SBSPON: variants seen among roughly 807,000 people sequenced by gnomAD.
SBSPON encodes somatomedin-B and thrombospondin type-1 domain-containing protein.
Under a neutral mutation model 35.8 loss-of-function variants are expected in SBSPON, and 30 were observed. That is an observed-to-expected ratio of 0.84 (90% CI 0.63 to 1.14). The LOEUF (loss-of-function observed/expected upper bound fraction) is 1.14. Ranked by LOEUF, SBSPON falls within the 50% of genes most tolerant of loss-of-function variation. SBSPON has a pLI of 0.00. For synonymous variants in SBSPON, 136 were observed against 135.9 expected (o/e 1.00, Z 0.00); for missense variants, 364 against 357.7 (o/e 1.02, Z -0.14).
At chr8:73,078,292 C>CA (rs1353418197) in intron 2 of SBSPON, among the ~76,000 whole-genome samples, 1 of 152,150 alleles carries the variant, frequency 6.6e-6, no homozygotes, top group African/African-American at 2.4e-5. Flanking sequence ...TAGCTTGTGA[C>CA]AGGAGTAATC....
At chr8:73,086,601 T>C (rs1185197427) in intron 1 of SBSPON, among the ~76,000 whole-genome samples, 1 of 152,186 alleles carries the variant, frequency 6.6e-6, no homozygotes, top group African/African-American at 2.4e-5. Flanking sequence ...ATCAAGACTT[T>C]TCTCCCTCTC....
In SBSPON at chr8:73,081,325, C is replaced by G. The variant is rs1034560487; in HGVS notation, c.215-112G>C. 6.8e-6 allele frequency: 6 copies of G among 877,792 alleles called. No individual in the cohort carries two copies. The African/African-American group carries it at 6.9e-5, about 10-fold the overall frequency. 54.4% of individuals were successfully genotyped at this position (877,792 alleles called of 1,614,324 possible). ...GCTCCATGTAAACTTTGCCTGGCCC[C>G]AGGCCCTGTATCAGGAGACGCACAC... On this transcript the variant is annotated intron_variant, in intron 1 of 4. Transcript: ENST00000297354.
rs569919931 is a variant in SBSPON, at chr8:73,083,491, C to G, written c.215-2278G>C. 8.3e-4 allele frequency among the ~76,000 whole-genome samples: 126 copies of G among 152,292 alleles called. 1 individual carries two copies. The highest frequency in any genetic ancestry group is 3.0e-3 in the African/African-American group (125 of 41,552). On this transcript the variant is annotated intron_variant, in intron 1 of 4. Coordinates refer to ENST00000297354, the MANE Select transcript of SBSPON (RefSeq NM_153225.4). ...AACTTTTGATTATTTGGATTGCAAG[C>G]CATCATAGATCACAAGAGATCTTGG...
At chr8:73,088,700 GAGA>G (rs1810879837) in intron 1 of SBSPON, among the ~76,000 whole-genome samples, 1 of 151,906 alleles carries the variant, frequency 6.6e-6, no homozygotes, top group Admixed American at 6.5e-5. Flanking sequence ...AAAAAAAAGA[GAGA>G]AGAAGAGAGT....
At chr8:73,075,982 A>G (rs1810587942) in intron 2 of SBSPON, among the ~76,000 whole-genome samples, 1 of 152,250 alleles carries the variant, frequency 6.6e-6, no homozygotes, top group Non-Finnish European at 1.5e-5. Context: ...TCAGTCATTA[A>G]TAAGAGAGCT....
chr8:73,074,232 C>T (rs1242537230), intron 2 of SBSPON, among the ~76,000 whole-genome samples: 2 of 151,972 alleles, frequency 1.3e-5, no homozygotes, highest in Admixed American at 6.6e-5. Context: ...TATATCATTA[C>T]AAAAGTTCAA....
At chr8:73,084,449 T>C (rs922194015) in intron 1 of SBSPON, among the ~76,000 whole-genome samples, 1 of 152,206 alleles carries the variant, frequency 6.6e-6, no homozygotes, top group African/African-American at 2.4e-5. Flanking sequence ...CTCCCTGCTG[T>C]GACCTACAAG....
intron 2 of SBSPON, among the ~76,000 whole-genome samples, chr8:73,072,626 G>A (rs1402328680): frequency 6.6e-6 from 1 of 152,170 alleles, no homozygotes; most frequent in Non-Finnish European, 1.5e-5. Flanking sequence ...CCGACATCGC[G>A]CCCCTGCACT....
intron 1 of SBSPON, among the ~76,000 whole-genome samples, chr8:73,087,106 C>T (rs745983680): frequency 1.3e-5 from 2 of 152,182 alleles, no homozygotes; most frequent in African/African-American, 2.4e-5. Flanking sequence ...AGGGAGAAGC[C>T]TTGCTCACTC....
intron 3 of SBSPON, among the ~76,000 whole-genome samples, chr8:73,070,227 A>C (rs115877220): frequency 0.026 from 3,889 of 152,284 alleles, 179 homozygotes; most frequent in African/African-American, 0.088. Context: ...CTCTCTGGGC[A>C]ATATAAATGT....
chr8:73,071,782 A>C lies in SBSPON; in HGVS notation c.498T>G (p.Ala166=). 1 of 1,571,374 alleles carries C rather than the reference A, an allele frequency of 6.4e-7. No homozygotes were observed. The highest frequency in any genetic ancestry group is 1.1e-5 in the South Asian group (1 of 87,422). The change falls in exon 3 of 5, where the codon GCT becomes GCG. Residue 166 remains alanine (A), a splice_region_variant and synonymous_variant. Transcript: ENST00000297354. ...SPHWSTHTED[A]GYCMEFKTES... ...AAAAAAAAAAAACACGAAATTACCC[A>C]GCATCCTCTGTGTGTGTAGACCAGT...
chr8:73,092,789 C>A, intron 1 of SBSPON, 65 bp downstream of exon 1: 1 of 1,332,976 alleles, frequency 7.5e-7, no homozygotes, highest in Non-Finnish European at 1.1e-6. Flanking sequence ...TGGCACAGCG[C>A]CCTGCCCTGT....
At chr8:73,069,176 T>G (rs1810446087) in intron 4 of SBSPON, among the ~76,000 whole-genome samples, 1 of 152,140 alleles carries the variant, frequency 6.6e-6, no homozygotes, top group South Asian at 2.1e-4. Context: ...ATCTGCACAT[T>G]TTACATCTCC....
intron 3 of SBSPON, among the ~76,000 whole-genome samples, chr8:73,070,645 ACT>A (rs1384444461): frequency 6.6e-6 from 1 of 152,032 alleles, no homozygotes; most frequent in East Asian, 1.9e-4. Flanking sequence ...GCTGCGGAAA[ACT>A]CTAACATTAT....
intron 2 of SBSPON, among the ~76,000 whole-genome samples, chr8:73,076,510 G>A (rs1023094040): frequency 2.6e-5 from 4 of 152,084 alleles, no homozygotes; most frequent in Non-Finnish European, 5.9e-5. Flanking sequence ...AGCCGGGTGT[G>A]TTGGTGCGCG....
chr8:73,081,634 T>A (rs116731509), intron 1 of SBSPON, among the ~76,000 whole-genome samples: 3,104 of 131,158 alleles, frequency 0.024, 113 homozygotes, highest in African/African-American at 0.087. Context: ...ATAGACAACA[T>A]AAACAACAAA....
chr8:73,089,002 A>C (rs1173129638), intron 1 of SBSPON, among the ~76,000 whole-genome samples: 1 of 152,206 alleles, frequency 6.6e-6, no homozygotes, highest in African/African-American at 2.4e-5. Flanking sequence ...GACTTCCTGG[A>C]TCTTAGAAAG....
Position 73,071,796 on chromosome 8 carries a change from G to A in SBSPON, c.484C>T (p.His162Tyr). Residue 162 changes from histidine (H) to tyrosine (Y), a missense_variant, in exon 3 of 5, where the codon CAC (histidine) becomes TAC (tyrosine). By Grantham distance (83) the His-to-Tyr change is moderately conservative. Transcript: ENST00000297354. ...RQATSPHWST[H>Y]TEDAGYCMEF... ...CGAAATTACCCAGCATCCTCTGTGT[G>A]TGTAGACCAGTGTGGAGACGTAGCT... The A allele has an allele frequency of 6.3e-7, 1 of 1,598,650 alleles. No homozygotes were observed. The highest frequency in any genetic ancestry group is 8.6e-7 in the Non-Finnish European group (1 of 1,166,380).
chr8:73,075,678 T>C (rs1810581063), intron 2 of SBSPON: 1 of 328,260 alleles, frequency 3.0e-6, no homozygotes, highest in Non-Finnish European at 4.4e-6. Flanking sequence ...TTAAATTTGC[T>C]TTGAGAATTT....
Sources: gnomAD v4.1 joint callset for allele counts (sites outside exome capture counted in the v4.1 genomes callset) on GRCh38, gnomAD v4.1.1 for gene constraint, MANE v1.5 for transcripts, NCBI Gene and HGNC (gene_info 2026-07-23, HGNC 2026-07-21) for gene names.